The following DIP2C variants were observed in gnomAD, a reference collection of about 807,000 sequenced individuals.
The protein encoded by DIP2C is DIP2 acetate--CoA ligase C (putative).
A neutral mutation model predicts 192.4 loss-of-function variants in DIP2C; 33 were observed. The ratio of observed to expected loss-of-function variants is 0.17; its 90% CI spans 0.13 to 0.23. DIP2C has a LOEUF of 0.23. Ranked by LOEUF, DIP2C falls within the 10% of genes least tolerant of loss-of-function variation. The pLI is 1.00. For missense variants in DIP2C, 1,537 were observed against 2,110.1 expected, an observed-to-expected ratio of 0.73 and a Z score of 5.32; for synonymous variants, 979 against 864.1, an observed-to-expected ratio of 1.13 and a Z score of -2.33.
intron 1 of DIP2C, among the ~76,000 whole-genome samples, chr10:586,722 C>T (rs979591794): frequency 6.6e-6 from 1 of 152,210 alleles, no homozygotes; most frequent in African/African-American, 2.4e-5. Flanking sequence ...GTTTTTACCT[C>T]CCTTTAGGTG....
At chr10:591,116 TG>T (rs1371637418) in intron 1 of DIP2C, among the ~76,000 whole-genome samples, 2 of 150,728 alleles carry the variant, frequency 1.3e-5, no homozygotes, top group African/African-American at 5.0e-5. Flanking sequence ...TTTCCATTAC[TG>T]GTTTTTTTTG....
At chr10:379,645 T>G (rs1005405074) in intron 17 of DIP2C, among the ~76,000 whole-genome samples, 5 of 152,230 alleles carry the variant, frequency 3.3e-5, no homozygotes, top group Non-Finnish European at 7.3e-5. Context: ...AATCACTAAG[T>G]GATACATATT....
intron 1 of DIP2C, among the ~76,000 whole-genome samples, chr10:520,452 A>G (rs1158757605): frequency 1.3e-5 from 2 of 152,254 alleles, no homozygotes; most frequent in African/African-American, 2.4e-5. Context: ...AAAAAATTCT[A>G]TATCCACTGG....
At position 539,189 on chromosome 10, in the gene DIP2C, T is replaced by C. The variant is rs562747219; in HGVS notation, c.86-52659A>G. Among the ~76,000 whole-genome samples the C allele has an allele frequency of 2.0e-5, 3 of 152,374 alleles. No homozygotes were observed. The East Asian group carries it at 5.8e-4, about 29-fold the overall frequency. On this transcript the variant is annotated intron_variant, in intron 1 of 36. Coordinates refer to ENST00000280886, the MANE Select transcript of DIP2C (RefSeq NM_014974.3). Reference sequence around the variant, plus strand: ...TCAATTAAGCAAACCTTTCATAGAGTGCTCATATTAATCCTTTAATCTTTG... The same window carrying C: ...TCAATTAAGCAAACCTTTCATAGAGCGCTCATATTAATCCTTTAATCTTTG...
chr10:467,813 G>A (rs1253412927), intron 3 of DIP2C, among the ~76,000 whole-genome samples: 1 of 152,142 alleles, frequency 6.6e-6, no homozygotes, highest in Non-Finnish European at 1.5e-5. Context: ...GGTGCTGGAG[G>A]ACTACAGGAG....
chr10:333,512 T>C (rs897607602), intron 29 of DIP2C, among the ~76,000 whole-genome samples: 2 of 152,218 alleles, frequency 1.3e-5, no homozygotes, highest in South Asian at 2.1e-4. Context: ...GCACCCACCA[T>C]GTGGACGTGG....
chr10:490,418 T>TCC (rs1396273410), intron 1 of DIP2C, among the ~76,000 whole-genome samples: 1 of 152,204 alleles, frequency 6.6e-6, no homozygotes, highest in Non-Finnish European at 1.5e-5. Flanking sequence ...GCTAGGCGTA[T>TCC]CCACTGCTCA....
intron 1 of DIP2C, among the ~76,000 whole-genome samples, chr10:545,471 A>T (rs1031827638): frequency 5.3e-5 from 8 of 152,098 alleles, no homozygotes; most frequent in South Asian, 2.1e-4. Context: ...TGGTGTTCTT[A>T]TAATAGAGAA....
At chr10:550,747 A>C (rs1848540712) in intron 1 of DIP2C, among the ~76,000 whole-genome samples, 1 of 152,144 alleles carries the variant, frequency 6.6e-6, no homozygotes, top group South Asian at 2.1e-4. Context: ...AACTCCTCTT[A>C]ATATTCAGAA....
chr10:483,945 T>TA (rs1320000205), intron 2 of DIP2C, among the ~76,000 whole-genome samples: 1 of 152,080 alleles, frequency 6.6e-6, no homozygotes, highest in Non-Finnish European at 1.5e-5. Context: ...GCCTCCCATA[T>TA]AGCTGGGATC....
At chr10:645,397 CA>C (rs1855396164) in intron 1 of DIP2C, among the ~76,000 whole-genome samples, 1 of 152,150 alleles carries the variant, frequency 6.6e-6, no homozygotes, top group Non-Finnish European at 1.5e-5. Flanking sequence ...GGCCACTGGT[CA>C]CACCCTGGCC....
At chr10:589,204 G>A (rs965658817) in intron 1 of DIP2C, among the ~76,000 whole-genome samples, 2 of 152,142 alleles carry the variant, frequency 1.3e-5, no homozygotes, top group Non-Finnish European at 2.9e-5. Context: ...CATGAGCTTT[G>A]GGAGTCCTGT....
intron 2 of DIP2C, among the ~76,000 whole-genome samples, chr10:477,691 G>A (rs777780001): frequency 4.5e-4 from 64 of 142,598 alleles, no homozygotes; most frequent in South Asian, 9.7e-4. Context: ...GGAGGAAAGC[G>A]GAGAAAAGGA....
intron 1 of DIP2C, among the ~76,000 whole-genome samples, chr10:661,332 G>A (rs1297609841): frequency 6.6e-6 from 1 of 152,164 alleles, no homozygotes; most frequent in Non-Finnish European, 1.5e-5. Context: ...TCCTCCACCT[G>A]GAGACGCTCT....
At chr10:348,611 T>C in intron 26 of DIP2C, 30 bp downstream of exon 26, 2 of 1,606,538 alleles carry the variant, frequency 1.2e-6, no homozygotes, top group Non-Finnish European at 1.7e-6. Flanking sequence ...TCCAGGCAGG[T>C]GGAGGCCCCG....
intron 2 of DIP2C, among the ~76,000 whole-genome samples, chr10:486,192 T>C (rs190543804): frequency 4.3e-4 from 66 of 152,354 alleles, no homozygotes; most frequent in Non-Finnish European, 8.8e-4. Flanking sequence ...TTTTTACGAT[T>C]ATAGCATTTT....
chr10:363,100 T>A lies in DIP2C; in HGVS notation c.2592+97A>T, dbSNP rs183711544. ...AGGGAAGGGAAAAAGGGCCACCCCA[T>A]GGGCAAAGCAACAGCTGGTCACACC... is the stretch of plus-strand genomic sequence containing the variant. On this transcript the variant is annotated intron_variant, in intron 21 of 36. Transcript: ENST00000280886. This position sits in a 1 kb window ranked among gnomAD's most constrained non-coding sequence, Gnocchi z 5.4. 5.5e-6 allele frequency: 6 copies of A among 1,099,802 alleles called. No homozygotes were observed. The Admixed American group carries it at 1.4e-4, about 25-fold the overall frequency. 68.1% of individuals were successfully genotyped at this position (1,099,802 alleles called of 1,614,324 possible).
intron 1 of DIP2C, among the ~76,000 whole-genome samples, chr10:579,188 C>T (rs1397201799): frequency 6.6e-6 from 1 of 151,862 alleles, no homozygotes; most frequent in Non-Finnish European, 1.5e-5. Flanking sequence ...TGCACTATAA[C>T]ATGTACATGC....
At chr10:516,865 G>A (rs10904398) in intron 1 of DIP2C, among the ~76,000 whole-genome samples, 6,853 of 47,394 alleles carry the variant, frequency 0.14, 1,576 homozygotes, top group East Asian at 0.7. Flanking sequence ...AGGGGGATGC[G>A]CAGGTGCCTG....
Sources: gnomAD v4.1 joint callset for allele counts (sites outside exome capture counted in the v4.1 genomes callset) on GRCh38, gnomAD v4.1.1 for gene constraint, Gnocchi (gnomAD v3.1) non-coding constraint, MANE v1.5 for transcripts, NCBI Gene and HGNC (gene_info 2026-07-23, HGNC 2026-07-21) for gene names.